Variants in SLC27A6 observed in about 807,000 individuals in gnomAD.
The protein encoded by SLC27A6 is solute carrier family 27 member 6, also known as long-chain fatty acid transport protein 6.
A neutral mutation model predicts 63.9 loss-of-function variants in SLC27A6; 74 were observed. The ratio of observed to expected loss-of-function variants is 1.16; its 90% CI spans 0.96 to 1.40. The LOEUF (loss-of-function observed/expected upper bound fraction) is 1.40. Among genes scored for constraint, SLC27A6 ranks in the 40% most tolerant of loss-of-function variants. The pLI, the probability that SLC27A6 is intolerant of heterozygous loss-of-function variation, is 0.00. For missense variants in SLC27A6, 794 were observed against 732.9 expected (o/e 1.08, Z -0.96); for synonymous variants, 287 against 260.8 (o/e 1.10, Z -0.97).
chr5:128,993,357 G>A (rs72799307), intron 4 of SLC27A6, among the ~76,000 whole-genome samples: 1,658 of 152,218 alleles, frequency 0.011, 16 homozygotes, highest in Admixed American at 0.017. Context: ...AATTTCCTGA[G>A]CTCCTCAATA....
At chr5:129,027,589 C>A (rs922822331) in intron 7 of SLC27A6, among the ~76,000 whole-genome samples, 3 of 152,060 alleles carry the variant, frequency 2.0e-5, no homozygotes. Context: ...ATAAAACTGG[C>A]AGACAGATGT....
At chr5:129,026,218 C>G (rs544470221) in intron 6 of SLC27A6, among the ~76,000 whole-genome samples, 1 of 152,232 alleles carries the variant, frequency 6.6e-6, no homozygotes, top group Admixed American at 6.5e-5. Flanking sequence ...AACACTGCAT[C>G]ACTTTACAGC....
Position 128,988,672 on chromosome 5 carries a change from GTAC to G in SLC27A6, c.760_762del (p.Thr254del), listed in dbSNP as rs1750872818. On this transcript the variant is annotated inframe_deletion, in exon 3 of 10. Transcript: ENST00000262462. ...TCTGCTGTCCTGTGGGCTTTTGGTT[GTAC>G]TGCTCATGACATTGTTTATATAACC... 1 of 1,613,724 alleles carries G rather than the reference GTAC, an allele frequency of 6.2e-7. No homozygotes were observed. Among genetic ancestry groups the G allele is most frequent in the Non-Finnish European group, 8.5e-7 (1 of 1,179,808 alleles).
chr5:128,973,450 T>A (rs1750262809), intron 1 of SLC27A6, among the ~76,000 whole-genome samples: 1 of 152,186 alleles, frequency 6.6e-6, no homozygotes, highest in Admixed American at 6.5e-5. Context: ...TCCGCACTGC[T>A]TTGTTTACCT....
chr5:128,978,330 G>T (rs1000340909), intron 1 of SLC27A6, among the ~76,000 whole-genome samples: 1 of 152,100 alleles, frequency 6.6e-6, no homozygotes, highest in African/African-American at 2.4e-5. Context: ...AGTCTGCTCT[G>T]CAACCTACTA....
chr5:129,006,064 G>C, intron 4 of SLC27A6, among the ~76,000 whole-genome samples: 1 of 83,678 alleles, frequency 1.2e-5, no homozygotes, highest in African/African-American at 5.3e-5. Flanking sequence ...TCATTCCTGT[G>C]CACACTGTTT....
intron 1 of SLC27A6, among the ~76,000 whole-genome samples, chr5:128,974,574 C>T (rs2150128838): frequency 6.6e-6 from 1 of 152,302 alleles, no homozygotes; most frequent in East Asian, 1.9e-4. Flanking sequence ...CTCTTTTTAG[C>T]ACATTAAATT....
rs919452881 is a variant in SLC27A6 at position 128,965,784 on chromosome 5, C to T, written c.-354C>T. The T allele has an allele frequency of 8.7e-5, 18 of 206,148 alleles. No individual in the cohort carries two copies. The Admixed American group carries it at 9.1e-4, about 10-fold the overall frequency. The allele number at this position is 206,148 out of a possible 1,614,324, so 12.8% of individuals were successfully genotyped here. ...AAAGTCCTGGGGAACTCGCAGGGCA[C>T]GGGCCGCTGTCGCGGTTGGGAGGCG... On this transcript the variant is annotated 5_prime_UTR_variant, in exon 1 of 10. In the 5' UTR this introduces an upstream ATG that the reference lacks. Transcript: ENST00000262462.
chr5:129,013,746 T>C (rs1751802469), intron 4 of SLC27A6, among the ~76,000 whole-genome samples: 1 of 152,194 alleles, frequency 6.6e-6, no homozygotes, highest in South Asian at 2.1e-4. Flanking sequence ...TAAAATCTCT[T>C]CAGAATTGCC....
chr5:128,997,147 T>A (rs2150140023), intron 4 of SLC27A6, among the ~76,000 whole-genome samples: 1 of 152,304 alleles, frequency 6.6e-6, no homozygotes, highest in Admixed American at 6.5e-5. Flanking sequence ...TTTAGTAACT[T>A]TTTAAAAATA....
chr5:129,006,446 A>AGTGTGTGTGT (rs72056782), intron 4 of SLC27A6, among the ~76,000 whole-genome samples: 2,351 of 144,090 alleles, frequency 0.016, 29 homozygotes, highest in African/African-American at 0.022. Context: ...TATATGCATG[A>AGTGTGTGTGT]GTGTGTGTGT....
At chr5:129,032,308 C>G (rs893343068) in intron 9 of SLC27A6, among the ~76,000 whole-genome samples, 4 of 151,886 alleles carry the variant, frequency 2.6e-5, no homozygotes, top group African/African-American at 9.7e-5. Context: ...TTCAAATAAC[C>G]ACAATCAGTC....
intron 1 of SLC27A6, among the ~76,000 whole-genome samples, chr5:128,968,113 G>A (rs4458629): frequency 0.69 from 104,214 of 151,926 alleles, 36,051 homozygotes; most frequent in East Asian, 0.88. Context: ...ATGGCTGCAT[G>A]GTATTCCATG....
At chr5:128,992,558 A>G (rs529619737) in intron 4 of SLC27A6, among the ~76,000 whole-genome samples, 18 of 152,224 alleles carry the variant, frequency 1.2e-4, no homozygotes, top group Non-Finnish European at 1.0e-4. Flanking sequence ...CCACAGATTC[A>G]TAGCCAAGAC....
intron 4 of SLC27A6, among the ~76,000 whole-genome samples, chr5:128,993,133 G>A (rs182298367): frequency 6.6e-6 from 1 of 152,302 alleles, no homozygotes; most frequent in Admixed American, 6.5e-5. Flanking sequence ...CATGGTTGAA[G>A]TGATTTAGAA....
intron 4 of SLC27A6, among the ~76,000 whole-genome samples, chr5:129,008,945 CA>C (rs1217369425): frequency 6.9e-6 from 1 of 144,748 alleles, no homozygotes; most frequent in Non-Finnish European, 1.5e-5. Context: ...TGGCTCGTTG[CA>C]ACCTCCTCCT....
rs1053759884 is a variant in SLC27A6 at position 128,985,488 on chromosome 5, C to T, written c.685+152C>T. On this transcript the variant is annotated intron_variant, in intron 2 of 9. Transcript: ENST00000262462. The stretch of plus-strand genomic sequence containing the variant: ...GATCTCAGAGGCTAGAACTTTCCAA[C>T]TTGGATGGAAAGTTAATTATCTTAA... The T allele has an allele frequency of 4.8e-6, 3 of 627,754 alleles. No homozygotes were observed. The African/African-American group carries it at 5.5e-5, about 12-fold the overall frequency. 38.9% of individuals were successfully genotyped at this position (627,754 alleles called of 1,614,324 possible). A position where few individuals can be genotyped will look rare whatever the true frequency, so the allele number is the denominator to read the frequency against.
chr5:129,006,390 A>C (rs1360982713), intron 4 of SLC27A6, among the ~76,000 whole-genome samples: 1 of 147,910 alleles, frequency 6.8e-6, no homozygotes, highest in African/African-American at 2.5e-5. Context: ...GCGCCCAGCC[A>C]CTCGTTTTTT....
rs764613828 is a variant in SLC27A6, at chr5:129,029,577, G to T, written c.1553G>T (p.Gly518Val). ...EANVYGVAIS[G>V]YEGRAGMASI... ...GACTCTATTTCAAACTTTTTTTCAG[G>T]TTATGAAGGAAGAGCAGGAATGGCT... is the stretch of plus-strand genomic sequence containing the variant. The change falls in exon 9 of 10, where the codon GGT becomes GTT. Residue 518 changes from glycine (G) to valine (V), a missense_variant and splice_region_variant. Gly to Val is a moderately radical substitution (Grantham distance 109). Transcript: ENST00000262462. 1.5e-5 allele frequency: 24 copies of T among 1,564,292 alleles called. No homozygotes were observed. In the South Asian group the frequency reaches 1.5e-4, roughly 10 times the overall value.
Sources: allele counts gnomAD v4.1 joint callset (sites outside exome capture counted in the v4.1 genomes callset), GRCh38; gene constraint gnomAD v4.1.1; transcripts MANE v1.5; gene names NCBI Gene and HGNC (gene_info 2026-07-23, HGNC 2026-07-21).